TCF4: variants seen among roughly 807,000 people sequenced by gnomAD.
TCF4 encodes the protein transcription factor 4.
Under a neutral mutation model 82.1 loss-of-function variants are expected in TCF4, and 3 were observed. The ratio of observed to expected loss-of-function variants is 0.04; its 90% CI spans 0.02 to 0.09. The LOEUF (loss-of-function observed/expected upper bound fraction) is 0.09. TCF4 is among the 10% of genes least tolerant of loss of function. TCF4 has a pLI of 1.00. For missense variants in TCF4, 518 were observed against 852.7 expected (o/e 0.61, Z 4.89); for synonymous variants, 276 against 309.6 (o/e 0.89, Z 1.14).
At chr18:55,403,219 G>C (rs756948929) in intron 6 of TCF4, among the ~76,000 whole-genome samples, 21 of 152,020 alleles carry the variant, frequency 1.4e-4, no homozygotes, top group Non-Finnish European at 2.2e-4. Flanking sequence ...CCGGCTGATG[G>C]ATTAAAAAAT....
upstream of TCF4, among the ~76,000 whole-genome samples, chr18:55,592,677 C>G (rs1316669405): frequency 6.6e-6 from 1 of 152,068 alleles, no homozygotes; most frequent in Non-Finnish European, 1.5e-5. Context: ...CAGATTGGAC[C>G]CCAGGAGCGA....
intron 3 of TCF4, among the ~76,000 whole-genome samples, chr18:55,565,856 T>C (rs766929964): frequency 6.6e-6 from 1 of 151,576 alleles, no homozygotes; most frequent in Non-Finnish European, 1.5e-5. Context: ...AAACCAGACA[T>C]AGAAAGGCAA....
intron 3 of TCF4, among the ~76,000 whole-genome samples, chr18:55,483,772 C>T (rs1164558986): frequency 1.3e-5 from 2 of 152,266 alleles, no homozygotes; most frequent in South Asian, 2.1e-4. Context: ...AGGCATTCTG[C>T]GTCACTTACT....
chr18:55,415,301 G>T (rs1190672718), intron 5 of TCF4, among the ~76,000 whole-genome samples: 1 of 151,834 alleles, frequency 6.6e-6, no homozygotes, highest in African/African-American at 2.4e-5. Flanking sequence ...CAAATTAACG[G>T]CCATACTCAG....
At chr18:55,337,149 T>G (rs994808308) in intron 8 of TCF4, among the ~76,000 whole-genome samples, 9 of 152,088 alleles carry the variant, frequency 5.9e-5, no homozygotes, top group African/African-American at 1.9e-4. Flanking sequence ...TAATTTTACG[T>G]GAGAATGTGG....
chr18:55,397,278 C>G (rs1319103616), intron 6 of TCF4, among the ~76,000 whole-genome samples: 1 of 152,098 alleles, frequency 6.6e-6, no homozygotes, highest in African/African-American at 2.4e-5. Context: ...TTAACCTGAA[C>G]CTGCATAAAC....
At chr18:55,441,972 G>A (rs1342122520) in intron 5 of TCF4, among the ~76,000 whole-genome samples, 4 of 152,146 alleles carry the variant, frequency 2.6e-5, no homozygotes, top group African/African-American at 7.2e-5. Context: ...AGTCCCATGC[G>A]CTAATTGGTA....
chr18:55,399,725 G>A (rs1387200546), intron 6 of TCF4, among the ~76,000 whole-genome samples: 1 of 152,074 alleles, frequency 6.6e-6, no homozygotes, highest in East Asian at 1.9e-4. Context: ...TCTAGGAAAT[G>A]ATAAAACCTA....
intron 8 of TCF4, among the ~76,000 whole-genome samples, chr18:55,341,319 A>G (rs1481567306): frequency 6.6e-6 from 1 of 152,218 alleles, no homozygotes; most frequent in East Asian, 1.9e-4. Context: ...TCTCTTGAAT[A>G]AACAGTAGTA....
chr18:55,234,498 G>C, intron 16 of TCF4, 50 bp downstream of exon 16: 3 of 1,613,390 alleles, frequency 1.9e-6, no homozygotes, highest in Non-Finnish European at 2.5e-6. Context: ...TATCAACACT[G>C]GTCCTATTGT....
chr18:55,499,009 G>A (rs757632871), intron 3 of TCF4, among the ~76,000 whole-genome samples: 2 of 152,178 alleles, frequency 1.3e-5, no homozygotes, highest in Non-Finnish European at 2.9e-5. Flanking sequence ...CATGGTGAAA[G>A]TTTTTGTTTT....
intron 3 of TCF4, among the ~76,000 whole-genome samples, chr18:55,509,769 C>G (rs2096804401): frequency 6.6e-6 from 1 of 152,088 alleles, no homozygotes; most frequent in Admixed American, 6.6e-5. Flanking sequence ...TTCCATCAAT[C>G]CAGACATTAC....
intron 6 of TCF4, among the ~76,000 whole-genome samples, chr18:55,361,561 C>T (rs1347708664): frequency 1.3e-5 from 2 of 152,144 alleles, no homozygotes; most frequent in Non-Finnish European, 1.5e-5. Flanking sequence ...GCAGAGAAGC[C>T]ACTTGCAAAC....
At chr18:55,569,791 G>A (rs2097444409) in intron 3 of TCF4, among the ~76,000 whole-genome samples, 1 of 152,126 alleles carries the variant, frequency 6.6e-6, no homozygotes, top group African/African-American at 2.4e-5. Flanking sequence ...AGATATAAAT[G>A]AGTAGAGATA....
chr18:55,406,950 C>G (rs1215683204), intron 5 of TCF4, among the ~76,000 whole-genome samples: 1 of 152,182 alleles, frequency 6.6e-6, no homozygotes, highest in African/African-American at 2.4e-5. Flanking sequence ...GCTAAAACTA[C>G]TCAAAAGAGG....
rs555997442 is a variant in TCF4 at position 55,308,632 on chromosome 18, G to A, written c.550-28976C>T. Among the ~76,000 whole-genome samples, 9 of 152,264 alleles carry A rather than the reference G, an allele frequency of 5.9e-5. No individual in the cohort carries two copies. The South Asian group carries it at 1.2e-3, about 21-fold the overall frequency. Reference sequence around the variant, plus strand: ...ATTAAGACATGGTCCCTTCTGGAGGGTATCACTGGCTGGAAATTCAAGGTC... The same window carrying A: ...ATTAAGACATGGTCCCTTCTGGAGGATATCACTGGCTGGAAATTCAAGGTC... On this transcript the variant is annotated intron_variant, in intron 8 of 19. Transcript: ENST00000354452.
In TCF4 at chr18:55,228,290, G is replaced by T. The variant is rs549600113; in HGVS notation, c.1951C>A (p.Pro651Thr). 6.2e-7 allele frequency: 1 copy of T among 1,614,084 alleles called. No individual in the cohort carries two copies. Among genetic ancestry groups the T allele is most frequent in the Non-Finnish European group, 8.5e-7 (1 of 1,180,004 alleles). Residue 651 changes from proline to threonine, a missense_variant, in exon 19 of 20, where the codon CCT (proline) becomes ACT (threonine). Physicochemically the swap from Pro to Thr is conservative, Grantham distance 38 (BLOSUM62 -1). Transcript: ENST00000354452. ...GGGTGTGGGCCGGCCAAGGAGAGAG[G>T]GGGAGGCTCTGAGGACACCTTCTCT... ...EEEKVSSEPP[P>T]LSLAGPHPGM...
At chr18:55,564,733 C>G (rs1260381417) in intron 3 of TCF4, among the ~76,000 whole-genome samples, 3 of 152,120 alleles carry the variant, frequency 2.0e-5, no homozygotes, top group Admixed American at 6.5e-5. Flanking sequence ...TATACGTGAG[C>G]TGTCATCTTG....
chr18:55,616,262 A>T (rs926016014), intron 2 of TCF4, among the ~76,000 whole-genome samples: 1 of 152,124 alleles, frequency 6.6e-6, no homozygotes, highest in Admixed American at 6.5e-5. Context: ...TTTCACTAGC[A>T]TAATGTCCTC....
Sources: gnomAD v4.1 joint callset for allele counts (sites outside exome capture counted in the v4.1 genomes callset) on GRCh38, gnomAD v4.1.1 for gene constraint, MANE v1.5 for transcripts, NCBI Gene and HGNC (gene_info 2026-07-23, HGNC 2026-07-21) for gene names.